Variants in HMGA2 observed in about 807,000 individuals in gnomAD.
HMGA2 encodes the protein high mobility group AT-hook 2, also known as high mobility group protein HMGI-C.
In HMGA2, 8 loss-of-function variants were observed where a neutral mutation model predicts 19.1. The ratio of observed to expected loss-of-function variants is 0.42; its 90% CI spans 0.25 to 0.76. The LOEUF is 0.76. Ranked by LOEUF, HMGA2 falls within the 30% of genes least tolerant of loss-of-function variation. The probability of loss-of-function intolerance (pLI) is 0.28; values close to 1 mark genes in which losing one functional copy is unlikely to be tolerated. For synonymous variants in HMGA2, 60 were observed against 48.8 expected, an observed-to-expected ratio of 1.23 and a Z score of -0.96; for missense variants, 109 against 136.3, an observed-to-expected ratio of 0.80 and a Z score of 1.00.
intron 3 of HMGA2, 29 bp downstream of exon 3, chr12:65,838,598 T>A (rs60081000): frequency 8.8e-5 from 136 of 1,538,384 alleles, no homozygotes; most frequent in Non-Finnish European, 1.2e-4. Flanking sequence ...TTTTTCTTCT[T>A]TTTTTTAAAG....
chr12:65,840,420 T>C (rs1283847937), intron 3 of HMGA2, among the ~76,000 whole-genome samples: 2 of 152,116 alleles, frequency 1.3e-5, no homozygotes. Flanking sequence ...AATCTGGTGC[T>C]TTATCAAGAT....
Position 65,963,230 on chromosome 12 carries a change from C to CT in HMGA2, c.283-12dup. ...AACGATTGAGCGTCATGGCTGTGCC[C>CT]TTTGTGTGTTCCAGGAGGAAACTGA... On this transcript the variant is annotated splice_polypyrimidine_tract_variant and intron_variant, in intron 4 of 4. Coordinates refer to ENST00000403681, the MANE Select transcript of HMGA2 (RefSeq NM_003483.6). The CT allele has an allele frequency of 6.2e-7, 1 of 1,613,246 alleles. No homozygotes were observed. The highest frequency in any genetic ancestry group is 8.5e-7 in the Non-Finnish European group (1 of 1,179,444).
rs138031913 is a variant in HMGA2 at position 65,851,676 on chromosome 12, C to A, written c.249+13107C>A. The A allele has an allele frequency of 9.8e-4, 434 of 442,308 alleles. 3 individuals carry two copies. Among genetic ancestry groups the A allele is most frequent in the African/African-American group, 7.0e-3 (346 of 49,368 alleles). 27.4% of individuals were successfully genotyped at this position (442,308 alleles called of 1,614,324 possible). On this transcript the variant is annotated intron_variant, in intron 3 of 4. Coordinates refer to ENST00000403681, the MANE Select transcript of HMGA2 (RefSeq NM_003483.6). Reference sequence around the variant, plus strand: ...CTCTGTCTCAAAACAACAACAACAACAAAAAATCATTAGTTTTAAACCCTG... The same window carrying A: ...CTCTGTCTCAAAACAACAACAACAAAAAAAAATCATTAGTTTTAAACCCTG...
At chr12:65,945,458 G>C (rs147702984) in intron 3 of HMGA2, among the ~76,000 whole-genome samples, 1 of 151,870 alleles carries the variant, frequency 6.6e-6, no homozygotes, top group Non-Finnish European at 1.5e-5. Flanking sequence ...AATATATTCA[G>C]GACAGCACTG....
At chr12:65,953,150 G>A (rs1012723205) in intron 4 of HMGA2, 7 of 151,998 alleles carry the variant, frequency 4.6e-5, no homozygotes, top group Admixed American at 2.0e-4. Context: ...ACCCTTCAGC[G>A]ATTCTGTTTA....
At chr12:65,894,874 G>A (rs916200486) in intron 3 of HMGA2, among the ~76,000 whole-genome samples, 6 of 152,188 alleles carry the variant, frequency 3.9e-5, no homozygotes, top group Admixed American at 3.9e-4. Flanking sequence ...AAGTCTGGGA[G>A]AAGTGTTTTA....
chr12:65,909,169 C>T (rs1032243677), intron 3 of HMGA2, among the ~76,000 whole-genome samples: 1 of 152,184 alleles, frequency 6.6e-6, no homozygotes, highest in African/African-American at 2.4e-5. Context: ...ATCTAAATCT[C>T]TACTGTTTGT....
At chr12:65,873,648 C>T (rs1872821810) in intron 3 of HMGA2, among the ~76,000 whole-genome samples, 1 of 152,054 alleles carries the variant, frequency 6.6e-6, no homozygotes, top group South Asian at 2.1e-4. Context: ...GATGTGTATA[C>T]ATATATGTAT....
At chr12:65,960,530 C>G (rs1876723414) in intron 4 of HMGA2, among the ~76,000 whole-genome samples, 1 of 152,184 alleles carries the variant, frequency 6.6e-6, no homozygotes, top group South Asian at 2.1e-4. Flanking sequence ...GTGGGAAAAG[C>G]CACCTGCCCC....
At chr12:65,892,191 A>G (rs770739679) in intron 3 of HMGA2, among the ~76,000 whole-genome samples, 1 of 152,216 alleles carries the variant, frequency 6.6e-6, no homozygotes, top group Non-Finnish European at 1.5e-5. Context: ...TGCTCGTCAC[A>G]TGATTGTGAT....
At chr12:65,860,600 G>A (rs927543984) in intron 3 of HMGA2, among the ~76,000 whole-genome samples, 12 of 152,136 alleles carry the variant, frequency 7.9e-5, no homozygotes, top group South Asian at 2.1e-4. Flanking sequence ...TACAGTAACC[G>A]CTTAATACAA....
intron 3 of HMGA2, among the ~76,000 whole-genome samples, chr12:65,900,986 C>T (rs1037117618): frequency 2.0e-5 from 3 of 152,118 alleles, no homozygotes; most frequent in African/African-American, 7.2e-5. Flanking sequence ...ATTATTTATG[C>T]TCTTGATGTT....
At chr12:65,887,030 C>T (rs576615154) in intron 3 of HMGA2, among the ~76,000 whole-genome samples, 2 of 152,116 alleles carry the variant, frequency 1.3e-5, no homozygotes, top group Non-Finnish European at 2.9e-5. Flanking sequence ...TTCCCCATGG[C>T]TCAAAAATAT....
chr12:65,963,127 T>C, intron 4 of HMGA2, 118 bp from the exon 5 acceptor site: 1 of 883,590 alleles, frequency 1.1e-6, no homozygotes, highest in Non-Finnish European at 1.8e-6. Flanking sequence ...GTCATCGTCA[T>C]CCTCTTTTGA....
At chr12:65,891,665 G>C (rs1444827029) in intron 3 of HMGA2, among the ~76,000 whole-genome samples, 4 of 152,178 alleles carry the variant, frequency 2.6e-5, no homozygotes, top group Admixed American at 2.6e-4. Context: ...CTCCAAGTTT[G>C]AGCTGCAGAA....
chr12:65,915,415 A>G (rs1875058524), intron 3 of HMGA2: 1 of 1,273,258 alleles, frequency 7.9e-7, no homozygotes, highest in Non-Finnish European at 1.0e-6. Context: ...CAGCTTAGAG[A>G]GTAGAGGGTG....
At chr12:65,949,133 CGATTTTCCCTGGA>C (rs1876369006) in intron 3 of HMGA2, among the ~76,000 whole-genome samples, 1 of 152,008 alleles carries the variant, frequency 6.6e-6, no homozygotes, top group Non-Finnish European at 1.5e-5. Context: ...GTTCTTGGTT[CGATTTTCCCTGGA>C]GAAAACATCA....
At chr12:65,878,895 G>A (rs1262308539) in intron 3 of HMGA2, among the ~76,000 whole-genome samples, 1 of 152,194 alleles carries the variant, frequency 6.6e-6, no homozygotes, top group Non-Finnish European at 1.5e-5. Flanking sequence ...GGCTAGAAAT[G>A]GGTTTCTCAG....
intron 3 of HMGA2, among the ~76,000 whole-genome samples, chr12:65,854,448 C>T (rs2120939564): frequency 6.6e-6 from 1 of 152,294 alleles, no homozygotes; most frequent in South Asian, 2.1e-4. Context: ...TTGACATTCA[C>T]ACAATCCATT....
Sources: allele counts gnomAD v4.1 joint callset (sites outside exome capture counted in the v4.1 genomes callset), GRCh38; gene constraint gnomAD v4.1.1; transcripts MANE v1.5; gene names NCBI Gene and HGNC (gene_info 2026-07-23, HGNC 2026-07-21).